Variants in EYS observed in about 807,000 individuals in gnomAD.
EYS encodes EGF-like photoreceptor maintenance factor, also known as protein eyes shut homolog.
EYS carries 250 observed loss-of-function variants against 282.1 expected under a neutral mutation model. The observed-to-expected ratio is 0.89, with a 90% CI of 0.80 to 0.98. EYS has a LOEUF of 0.98. EYS is among the 50% of genes least tolerant of loss of function. EYS has a pLI of 0.00. For synonymous variants in EYS, 1,355 were observed against 1,282.9 expected, an observed-to-expected ratio of 1.06 and a Z score of -1.20; for missense variants, 4,016 against 3,709.0, an observed-to-expected ratio of 1.08 and a Z score of -2.15.
chr6:64,039,812 C>T (rs1582184159), intron 33 of EYS, among the ~76,000 whole-genome samples: 1 of 152,214 alleles, frequency 6.6e-6, no homozygotes, highest in South Asian at 2.1e-4. Context: ...TTAGAAAATT[C>T]TCATAATTTC....
chr6:64,697,713 G>A (rs1770631663), intron 22 of EYS, among the ~76,000 whole-genome samples: 2 of 152,086 alleles, frequency 1.3e-5, no homozygotes, highest in Admixed American at 1.3e-4. Flanking sequence ...GGTGGCTGAG[G>A]CAGGTGGATC....
intron 2 of EYS, among the ~76,000 whole-genome samples, chr6:65,523,628 A>G: frequency 6.6e-6 from 1 of 152,214 alleles, no homozygotes; most frequent in East Asian, 1.9e-4. Context: ...CACTATGTAT[A>G]TGTCTATAAA....
At chr6:63,808,183 G>T (rs1472392102) in intron 36 of EYS, among the ~76,000 whole-genome samples, 1 of 152,132 alleles carries the variant, frequency 6.6e-6, no homozygotes, top group Non-Finnish European at 1.5e-5. Context: ...AGCTGAACTG[G>T]ACTGAAAGTT....
chr6:63,745,588 A>C (rs930003759), intron 41 of EYS, among the ~76,000 whole-genome samples: 2 of 152,246 alleles, frequency 1.3e-5, no homozygotes, highest in Non-Finnish European at 2.9e-5. Context: ...GCCTATTCAC[A>C]TAAAGAGTAA....
intron 30 of EYS, among the ~76,000 whole-genome samples, chr6:64,293,707 T>G (rs1233734818): frequency 6.6e-6 from 1 of 152,152 alleles, no homozygotes; most frequent in Non-Finnish European, 1.5e-5. Context: ...TATTGATGCA[T>G]AGAGATGTAT....
At chr6:65,658,148 G>T (rs1410208274) in intron 1 of EYS, among the ~76,000 whole-genome samples, 1 of 151,678 alleles carries the variant, frequency 6.6e-6, no homozygotes, top group East Asian at 1.9e-4. Flanking sequence ...TATTGAGGTT[G>T]CCTGGAACTG....
chr6:65,489,989 C>T (rs577308684), intron 5 of EYS: 7 of 152,218 alleles, frequency 4.6e-5, no homozygotes, highest in African/African-American at 1.7e-4. Flanking sequence ...GGGTTGGCGG[C>T]TAGAGGAGGC....
chr6:65,696,479 G>T (rs1769461064), intron 1 of EYS, among the ~76,000 whole-genome samples: 2 of 151,860 alleles, frequency 1.3e-5, no homozygotes, highest in Non-Finnish European at 2.9e-5. Flanking sequence ...ATTTTGTGTG[G>T]TTGTTCTTAA....
intron 30 of EYS, among the ~76,000 whole-genome samples, chr6:64,271,529 A>T (rs1243954996): frequency 6.6e-6 from 1 of 152,128 alleles, no homozygotes; most frequent in Non-Finnish European, 1.5e-5. Context: ...TTTATTATGA[A>T]GTTATAGAGA....
At chr6:65,700,176 T>C (rs975628763) in intron 1 of EYS, among the ~76,000 whole-genome samples, 10 of 143,172 alleles carry the variant, frequency 7.0e-5, no homozygotes, top group Admixed American at 2.8e-4. Context: ...TGAAAGGGAG[T>C]TAAATAATCA....
chr6:65,165,191 C>T (rs1018786979), intron 12 of EYS, among the ~76,000 whole-genome samples: 1 of 151,076 alleles, frequency 6.6e-6, no homozygotes, highest in East Asian at 2.0e-4. Context: ...TAAGCTAACT[C>T]TTGACAAATG....
chr6:64,653,996 A>T (rs907644770), intron 22 of EYS, among the ~76,000 whole-genome samples: 2 of 152,194 alleles, frequency 1.3e-5, no homozygotes, highest in Admixed American at 6.5e-5. Context: ...AAAGATGTTA[A>T]ACCAAGATGA....
rs796999871 is a variant in EYS, at chr6:63,859,111, T to TTTTA, written c.7228+5074_7228+5075insTAAA. On this transcript the variant is annotated intron_variant, in intron 36 of 42. Transcript: ENST00000503581. Reference sequence around the variant, plus strand: ...TTTTTTTTTTTTTTTTTTTTTTTTTTAATAGCTGGGATGGAGATGCAGCCT... The same window carrying TTTTA: ...TTTTTTTTTTTTTTTTTTTTTTTTTTTTTAAATAGCTGGGATGGAGATGCAGCCT... Among the ~76,000 whole-genome samples the TTTTA allele has an allele frequency of 6.1e-3, 437 of 71,194 alleles. 153 individuals are homozygous for TTTTA. Among genetic ancestry groups the TTTTA allele is most frequent in the African/African-American group, 0.019 (301 of 15,784 alleles). 46.7% of individuals were successfully genotyped at this position (71,194 alleles called of 152,430 possible). A position where few individuals can be genotyped will look rare whatever the true frequency, so the allele number is the denominator to read the frequency against.
intron 11 of EYS, among the ~76,000 whole-genome samples, chr6:65,315,546 T>A (rs1024841588): frequency 2.0e-5 from 3 of 151,698 alleles, no homozygotes; most frequent in African/African-American, 7.3e-5. Flanking sequence ...ATCATCTGTA[T>A]AAATCTTGCA....
At chr6:65,644,302 C>A (rs1340915306) in intron 1 of EYS, among the ~76,000 whole-genome samples, 1 of 152,068 alleles carries the variant, frequency 6.6e-6, no homozygotes, top group Non-Finnish European at 1.5e-5. Flanking sequence ...TAGAATAGAA[C>A]AAGCAAAAGA....
chr6:63,823,468 T>C (rs1435418430), intron 36 of EYS, among the ~76,000 whole-genome samples: 5 of 152,200 alleles, frequency 3.3e-5, no homozygotes, highest in Non-Finnish European at 4.4e-5. Context: ...TAATTATGGT[T>C]TTCTAGAATA....
At position 65,453,177 on chromosome 6, in the gene EYS, G is replaced by A. The variant is rs115350504; in HGVS notation, c.862+37417C>T. On this transcript the variant is annotated intron_variant, in intron 5 of 42. Coordinates refer to ENST00000503581, the MANE Select transcript of EYS (RefSeq NM_001142800.2). ...TTCGAAGTCCATATACAAACATAGC[G>A]TGTATTTAACTATTTATGTATTTAA... Among the ~76,000 whole-genome samples the A allele has an allele frequency of 4.6e-3, 697 of 152,048 alleles. 6 individuals carry two copies. The highest frequency in any genetic ancestry group is 0.016 in the African/African-American group (677 of 41,520).
At chr6:65,206,072 A>G (rs1402238083) in intron 12 of EYS, among the ~76,000 whole-genome samples, 3 of 151,986 alleles carry the variant, frequency 2.0e-5, no homozygotes, top group African/African-American at 7.2e-5. Flanking sequence ...CTTAAAAATG[A>G]TACAAAAGAT....
At chr6:65,110,684 G>A (rs574732068) in intron 12 of EYS, among the ~76,000 whole-genome samples, 1 of 151,630 alleles carries the variant, frequency 6.6e-6, no homozygotes, top group Non-Finnish European at 1.5e-5. Flanking sequence ...TTAAAAATGT[G>A]TATCTTTTTT....
Sources: gnomAD v4.1 joint callset for allele counts (sites outside exome capture counted in the v4.1 genomes callset) on GRCh38, gnomAD v4.1.1 for gene constraint, MANE v1.5 for transcripts, NCBI Gene and HGNC (gene_info 2026-07-23, HGNC 2026-07-21) for gene names.